Variants in MYO1H observed in about 807,000 individuals in gnomAD.
MYO1H encodes the protein myosin IH.
Under a neutral mutation model 149.3 loss-of-function variants are expected in MYO1H, and 118 were observed. The observed-to-expected ratio is 0.79, with a 90% CI of 0.68 to 0.92. The LOEUF (loss-of-function observed/expected upper bound fraction) is 0.92. Among genes scored for constraint, MYO1H ranks in the 40% least tolerant of loss-of-function variants. The pLI, the probability that MYO1H is intolerant of heterozygous loss-of-function variation, is 0.00. For missense variants in MYO1H, 1,212 were observed against 1,280.7 expected, an observed-to-expected ratio of 0.95 and a Z score of 0.82; for synonymous variants, 447 against 465.2, an observed-to-expected ratio of 0.96 and a Z score of 0.50.
At chr12:109,334,725 GT>G in the MYO1H span, among the ~76,000 whole-genome samples, 1 of 152,092 alleles carries the variant, frequency 6.6e-6, no homozygotes, top group Admixed American at 6.6e-5. Flanking sequence ...TCTGTGATCA[GT>G]TTTTTCTTCT....
Position 109,347,977 on chromosome 12 carries a change from T to C in MYO1H, c.12+5T>C. On this transcript the variant is annotated splice_donor_5th_base_variant and intron_variant, in intron 1 of 31. Transcript: ENST00000310903. ...CTGTGCGTGATGGAATCCAAGGTAA[T>C]GTGACTTGAACACTAGAAGGTGGTT... is the stretch of plus-strand genomic sequence containing the variant. The C allele has an allele frequency of 2.5e-6, 1 of 399,072 alleles. No homozygotes were observed. The highest frequency in any genetic ancestry group is 3.6e-5 in the East Asian group (1 of 28,080). The allele number at this position is 399,072 out of a possible 1,614,324, so 24.7% of individuals were successfully genotyped here. A position where few individuals can be genotyped will look rare whatever the true frequency, so the allele number is the denominator to read the frequency against.
intron 1 of MYO1H, among the ~76,000 whole-genome samples, chr12:109,367,166 A>C (rs77322758): frequency 0.025 from 3,863 of 152,346 alleles, 63 homozygotes; most frequent in Middle Eastern, 0.054. Flanking sequence ...GAAAAGTTTC[A>C]TAAGCAAAGT....
At chr12:109,433,768 C>G (rs1773167045) in intron 20 of MYO1H, among the ~76,000 whole-genome samples, 2 of 152,172 alleles carry the variant, frequency 1.3e-5, no homozygotes, top group Admixed American at 6.5e-5. Flanking sequence ...CAGTCCAGAT[C>G]TCCAAGGGGA....
chr12:109,404,990 C>G (rs1024700153), intron 7 of MYO1H, among the ~76,000 whole-genome samples: 1 of 151,880 alleles, frequency 6.6e-6, no homozygotes, highest in Non-Finnish European at 1.5e-5. Context: ...GTGGAGAAAT[C>G]ACTTGAGGCT....
At chr12:109,382,564 G>A (rs1869224150) in intron 1 of MYO1H, among the ~76,000 whole-genome samples, 1 of 152,002 alleles carries the variant, frequency 6.6e-6, no homozygotes, top group Non-Finnish European at 1.5e-5. Context: ...GAATTATTAT[G>A]GTATTCTTTA....
At chr12:109,409,495 A>G in intron 10 of MYO1H, 62 bp from the exon 11 acceptor site, 2 of 1,422,696 alleles carry the variant, frequency 1.4e-6, no homozygotes, top group Non-Finnish European at 2.0e-6. Flanking sequence ...GGGAGCAGCA[A>G]CAGTTTTGAG....
In MYO1H at chr12:109,393,556, C is replaced by CATCCATCCATCCATTCATCT; in HGVS notation, c.290+124_290+125insTCATCTATCCATCCATCCAT. 6.1e-6 allele frequency: 4 copies of CATCCATCCATCCATTCATCT among 661,106 alleles called. No homozygotes were observed. The South Asian group carries it at 7.0e-5, about 12-fold the overall frequency. The allele number at this position is 661,106 out of a possible 1,614,324, so 41.0% of individuals were successfully genotyped here. A position where few individuals can be genotyped will look rare whatever the true frequency, so the allele number is the denominator to read the frequency against. On this transcript the variant is annotated intron_variant, in intron 3 of 31. Coordinates refer to ENST00000310903, the Ensembl canonical transcript of MYO1H. ...CCATCCATTCATCCATCCATCCATC[C>CATCCATCCATCCATTCATCT]ATCCATCCATCCATCCATCCGCCCA...
At chr12:109,417,870 C>T (rs191826028) in intron 15 of MYO1H, among the ~76,000 whole-genome samples, 220 of 151,938 alleles carry the variant, frequency 1.4e-3, no homozygotes, top group African/African-American at 4.5e-3. Flanking sequence ...GACTGGAGTC[C>T]GGTGGCGCGA....
chr12:109,355,691 G>T (rs1247447546), intron 1 of MYO1H, among the ~76,000 whole-genome samples: 1 of 150,672 alleles, frequency 6.6e-6, no homozygotes, highest in African/African-American at 2.4e-5. Context: ...GTTTTGTTTT[G>T]TTTGGTTTGG....
At chr12:109,447,282 T>C in exon 32 of MYO1H, 2 of 1,050,330 alleles carry the variant, frequency 1.9e-6, no homozygotes, top group Non-Finnish European at 2.9e-6. Flanking sequence ...CTCTTCAAGG[T>C]ACCAGGCCCG....
intron 19 of MYO1H, among the ~76,000 whole-genome samples, chr12:109,431,132 C>T (rs1273369020): frequency 1.3e-5 from 2 of 151,486 alleles, no homozygotes; most frequent in East Asian, 1.9e-4. Flanking sequence ...GTAATCCCAG[C>T]GCTTTGGGAG....
At chr12:109,382,064 G>A (rs1354099474) in intron 1 of MYO1H, among the ~76,000 whole-genome samples, 2 of 152,188 alleles carry the variant, frequency 1.3e-5, no homozygotes, top group Admixed American at 1.3e-4. Flanking sequence ...AATAAATGAA[G>A]ATGGTTTGAT....
upstream of MYO1H, among the ~76,000 whole-genome samples, chr12:109,344,926 T>A (rs1319382851): frequency 6.6e-6 from 1 of 152,194 alleles, no homozygotes; most frequent in Non-Finnish European, 1.5e-5. Flanking sequence ...CCACATGCAA[T>A]GTTATAAAGT....
chr12:109,394,986 T>C (rs1269854338), intron 3 of MYO1H, among the ~76,000 whole-genome samples: 2 of 152,200 alleles, frequency 1.3e-5, no homozygotes, highest in Non-Finnish European at 2.9e-5. Flanking sequence ...GGTCTCGAAC[T>C]CCTGGGGCTC....
intron 1 of MYO1H, among the ~76,000 whole-genome samples, chr12:109,365,126 C>T (rs1868841335): frequency 1.3e-5 from 2 of 151,882 alleles, no homozygotes; most frequent in African/African-American, 4.8e-5. Context: ...AAAAACAAGA[C>T]TTAGCTTGAT....
chr12:109,354,398 C>G (rs982521801), intron 1 of MYO1H: 2 of 151,354 alleles, frequency 1.3e-5, no homozygotes, highest in African/African-American at 4.9e-5. Context: ...GTCAGGAGAT[C>G]GAGACCATCC....
chr12:109,342,067 C>A, the MYO1H span, among the ~76,000 whole-genome samples: 2 of 150,342 alleles, frequency 1.3e-5, no homozygotes, highest in African/African-American at 4.9e-5. Flanking sequence ...TATTTCATTT[C>A]TTTCAGTAAA....
chr12:109,341,844 A>C, the MYO1H span, among the ~76,000 whole-genome samples: 1 of 152,120 alleles, frequency 6.6e-6, no homozygotes, highest in Admixed American at 6.5e-5. Flanking sequence ...ATTTCTTACA[A>C]GTGTGATGTG....
intron 1 of MYO1H, chr12:109,357,285 G>C (rs1196016821): frequency 6.6e-6 from 1 of 152,168 alleles, no homozygotes; most frequent in Non-Finnish European, 1.5e-5. Flanking sequence ...AATAAAAAAA[G>C]GTCTTAATTT....
Sources: gnomAD v4.1 joint callset for allele counts (sites outside exome capture counted in the v4.1 genomes callset) on GRCh38, gnomAD v4.1.1 for gene constraint, MANE v1.5 for transcripts, NCBI Gene and HGNC (gene_info 2026-07-23, HGNC 2026-07-21) for gene names.